Variants in OSBPL8 observed in about 807,000 individuals in gnomAD.
OSBPL8 encodes the protein oxysterol-binding protein-related protein 8.
OSBPL8 carries 59 observed loss-of-function variants against 125.5 expected under a neutral mutation model. That is an observed-to-expected ratio of 0.47 (90% CI 0.38 to 0.58). The LOEUF is 0.58. Ranked by LOEUF, OSBPL8 falls within the 20% of genes least tolerant of loss-of-function variation. The probability of loss-of-function intolerance (pLI) is 0.00; values close to 1 mark genes in which losing one functional copy is unlikely to be tolerated. For missense variants in OSBPL8, 758 were observed against 1,047.8 expected (o/e 0.72, Z 3.82); for synonymous variants, 330 against 338.9 (o/e 0.97, Z 0.29).
At chr12:76,411,347 C>T (rs1366056447) in intron 4 of OSBPL8, among the ~76,000 whole-genome samples, 1 of 152,052 alleles carries the variant, frequency 6.6e-6, no homozygotes, top group Admixed American at 6.5e-5. Context: ...AGGAGCAGTA[C>T]ACATTTTAAT....
In OSBPL8 at chr12:76,555,581, T is replaced by C. The variant is rs74105522; in HGVS notation, c.-68+3816A>G. ...CTGAAGTCCTCCTATGTGTGACACA[T>C]TGAGGTAGGCACATTCATATTGAGG... is the stretch of plus-strand genomic sequence containing the variant. On this transcript the variant is annotated intron_variant, in intron 1 of 23. Transcript: ENST00000261183. 2.4e-3 allele frequency among the ~76,000 whole-genome samples: 370 copies of C among 152,334 alleles called. 4 individuals are homozygous for C. Among genetic ancestry groups the C allele is most frequent in the African/African-American group, 8.4e-3 (350 of 41,574 alleles).
chr12:76,451,087 G>A, intron 3 of OSBPL8, 99 bp from the exon 4 acceptor site: 1 of 1,263,636 alleles, frequency 7.9e-7, no homozygotes, highest in Admixed American at 2.6e-5. Context: ...AAATGGCCTT[G>A]GTGGTTATAT....
intron 4 of OSBPL8, among the ~76,000 whole-genome samples, chr12:76,433,994 A>G (rs1871161443): frequency 6.6e-6 from 1 of 151,596 alleles, no homozygotes; most frequent in Non-Finnish European, 1.5e-5. Context: ...AAAAAAAAAA[A>G]AAATCCTAAA....
chr12:76,475,925 C>T (rs571546019), intron 2 of OSBPL8, among the ~76,000 whole-genome samples: 2 of 152,326 alleles, frequency 1.3e-5, no homozygotes, highest in East Asian at 3.9e-4. Context: ...TGTGCGTGTA[C>T]ACACATGCAG....
intron 1 of OSBPL8, among the ~76,000 whole-genome samples, chr12:76,498,377 T>A (rs1382481226): frequency 6.6e-6 from 1 of 152,192 alleles, no homozygotes; most frequent in Non-Finnish European, 1.5e-5. Flanking sequence ...AAACTATGGA[T>A]GCAACACTTA....
At chr12:76,457,679 T>A (rs568856187) in intron 3 of OSBPL8, among the ~76,000 whole-genome samples, 1 of 152,296 alleles carries the variant, frequency 6.6e-6, no homozygotes, top group South Asian at 2.1e-4. Flanking sequence ...GAGTACATGA[T>A]AAAGTCATCT....
intron 5 of OSBPL8, among the ~76,000 whole-genome samples, chr12:76,404,434 T>TG (rs1954172127): frequency 6.6e-6 from 1 of 152,178 alleles, no homozygotes; most frequent in South Asian, 2.1e-4. Flanking sequence ...AGTTAACTCT[T>TG]GAACAACATA....
intron 2 of OSBPL8, among the ~76,000 whole-genome samples, chr12:76,480,470 T>C (rs1384312432): frequency 6.6e-6 from 1 of 152,196 alleles, no homozygotes; most frequent in African/African-American, 2.4e-5. Flanking sequence ...ACTACTCCAT[T>C]TCAGTTCAAG....
At chr12:76,494,660 G>C (rs1237516891) in intron 1 of OSBPL8, among the ~76,000 whole-genome samples, 1 of 152,184 alleles carries the variant, frequency 6.6e-6, no homozygotes, top group Non-Finnish European at 1.5e-5. Flanking sequence ...TGGCTCAAAT[G>C]ACTAGAAGGA....
chr12:76,416,544 T>C (rs972627711), intron 4 of OSBPL8, among the ~76,000 whole-genome samples: 1 of 152,124 alleles, frequency 6.6e-6, no homozygotes, highest in Admixed American at 6.5e-5. Flanking sequence ...TTGTTCTCTA[T>C]AAAATTTCCT....
At chr12:76,492,273 A>T (rs906853290) in intron 1 of OSBPL8, among the ~76,000 whole-genome samples, 1 of 152,216 alleles carries the variant, frequency 6.6e-6, no homozygotes, top group Non-Finnish European at 1.5e-5. Context: ...GGTAAGAAGA[A>T]GCTGCCAGTG....
chr12:76,485,218 C>T (rs1008882754), intron 2 of OSBPL8, among the ~76,000 whole-genome samples: 1 of 151,940 alleles, frequency 6.6e-6, no homozygotes. Flanking sequence ...GCACCGTGCC[C>T]GGCCTCTCAC....
intron 21 of OSBPL8, among the ~76,000 whole-genome samples, chr12:76,362,564 C>G (rs906859142): frequency 6.6e-6 from 1 of 152,208 alleles, no homozygotes; most frequent in African/African-American, 2.4e-5. Context: ...GACAAACCCA[C>G]AGCCGATATC....
intron 4 of OSBPL8, among the ~76,000 whole-genome samples, chr12:76,426,876 C>A (rs1870212647): frequency 6.6e-6 from 1 of 152,052 alleles, no homozygotes; most frequent in African/African-American, 2.4e-5. Flanking sequence ...ACCATAATAG[C>A]AGGATTTATT....
chr12:76,394,596 A>C (rs759728926), intron 9 of OSBPL8, 49 bp downstream of exon 9: 82 of 1,385,390 alleles, frequency 5.9e-5, no homozygotes, highest in Admixed American at 7.6e-5. Context: ...CATTAAAAAA[A>C]CTCTTAAAAA....
intron 1 of OSBPL8, among the ~76,000 whole-genome samples, chr12:76,533,690 C>T (rs1179442348): frequency 2.6e-5 from 4 of 152,128 alleles, no homozygotes; most frequent in Non-Finnish European, 4.4e-5. Context: ...CATTACCTAC[C>T]GGTTTTCCAA....
At chr12:76,451,267 T>G (rs1194953461) in intron 3 of OSBPL8, among the ~76,000 whole-genome samples, 1 of 152,110 alleles carries the variant, frequency 6.6e-6, no homozygotes, top group African/African-American at 2.4e-5. Context: ...GCCTAAGGTT[T>G]ACTGTGTGCC....
Position 76,483,930 on chromosome 12 carries a change from C to T in OSBPL8, c.42+3580G>A, listed in dbSNP as rs545213052. Among the ~76,000 whole-genome samples the T allele has an allele frequency of 1.6e-3, 246 of 152,112 alleles. 2 individuals are homozygous for T. The highest frequency in any genetic ancestry group is 3.4e-3 in the Middle Eastern group (1 of 294). ...CCTTAGGTGATCTGTACGCCTCGGC[C>T]TCCCAAAGTGCTGAGATTACAGGCG... On this transcript the variant is annotated intron_variant, in intron 2 of 23. Coordinates refer to ENST00000261183, the MANE Select transcript of OSBPL8 (RefSeq NM_020841.5).
intron 1 of OSBPL8, among the ~76,000 whole-genome samples, chr12:76,541,304 C>A (rs185747882): frequency 6.6e-6 from 1 of 151,798 alleles, no homozygotes; most frequent in African/African-American, 2.4e-5. Flanking sequence ...TACTGTGAAC[C>A]CCATCTCCAC....
Sources: allele counts gnomAD v4.1 joint callset (sites outside exome capture counted in the v4.1 genomes callset), GRCh38; gene constraint gnomAD v4.1.1; transcripts MANE v1.5; gene names NCBI Gene and HGNC (gene_info 2026-07-23, HGNC 2026-07-21).